Variants in TFPI observed in about 807,000 individuals in gnomAD.
TFPI encodes the protein anti-convertin.
A neutral mutation model predicts 34.6 loss-of-function variants in TFPI; 15 were observed. That is an observed-to-expected ratio of 0.43 (90% confidence interval 0.29 to 0.67). The LOEUF (loss-of-function observed/expected upper bound fraction) is 0.67, where lower values mean the gene tolerates loss of function less well. Ranked by LOEUF, TFPI falls within the 30% of genes least tolerant of loss-of-function variation. The pLI, the probability that TFPI is intolerant of heterozygous loss-of-function variation, is 0.15. For synonymous variants in TFPI, 105 were observed against 120.1 expected (o/e 0.87, Z 0.82); for missense variants, 301 against 364.0 (o/e 0.83, Z 1.41).
chr2:187,485,946 A>G (rs1419152431), intron 4 of TFPI, among the ~76,000 whole-genome samples: 1 of 151,666 alleles, frequency 6.6e-6, no homozygotes, highest in Non-Finnish European at 1.5e-5. Context: ...CAGGGAAGCA[A>G]TACCCACAAG....
chr2:187,499,955 C>T (rs990554651), intron 2 of TFPI, among the ~76,000 whole-genome samples: 3 of 152,054 alleles, frequency 2.0e-5, no homozygotes, highest in Non-Finnish European at 4.4e-5. Flanking sequence ...CATGTATATT[C>T]AGAAAAATCA....
At chr2:187,506,525 G>A (rs895136954) in intron 1 of TFPI, among the ~76,000 whole-genome samples, 2 of 151,942 alleles carry the variant, frequency 1.3e-5, no homozygotes, top group South Asian at 4.1e-4. Context: ...TCCCCAGCAC[G>A]TTTCTGTTCT....
chr2:187,502,020 A>G (rs1685883690), intron 2 of TFPI, among the ~76,000 whole-genome samples: 1 of 152,152 alleles, frequency 6.6e-6, no homozygotes, highest in Admixed American at 6.6e-5. Context: ...TCATGTGATA[A>G]ATTGTATCTC....
intron 1 of TFPI, among the ~76,000 whole-genome samples, chr2:187,551,829 A>C (rs78400966): frequency 0.019 from 2,836 of 152,218 alleles, 93 homozygotes; most frequent in African/African-American, 0.064. Context: ...GCATGAAAAT[A>C]TATTTGTGTT....
chr2:187,528,081 T>A (rs550864685), intron 1 of TFPI, among the ~76,000 whole-genome samples: 9 of 152,058 alleles, frequency 5.9e-5, no homozygotes, highest in Non-Finnish European at 1.5e-5. Context: ...TGCCTAAATG[T>A]TTTCTATTTC....
intron 3 of TFPI, among the ~76,000 whole-genome samples, chr2:187,490,972 T>A (rs1172498862): frequency 6.6e-6 from 1 of 151,800 alleles, no homozygotes; most frequent in Non-Finnish European, 1.5e-5. Flanking sequence ...TATGTCATTG[T>A]CACCTGTAGA....
chr2:187,492,637 T>C (rs1252869752), intron 3 of TFPI, among the ~76,000 whole-genome samples: 1 of 152,172 alleles, frequency 6.6e-6, no homozygotes, highest in African/African-American at 2.4e-5. Flanking sequence ...ATATGAGACA[T>C]GGAGTCAAAG....
intron 6 of TFPI, among the ~76,000 whole-genome samples, chr2:187,472,884 C>T (rs1249834381): frequency 6.6e-6 from 1 of 151,898 alleles, no homozygotes; most frequent in Non-Finnish European, 1.5e-5. Context: ...TGGTGGCACA[C>T]GCATGTGGTC....
chr2:187,508,623 T>C (rs775312816), intron 1 of TFPI, among the ~76,000 whole-genome samples: 23 of 152,190 alleles, frequency 1.5e-4, no homozygotes, highest in Admixed American at 1.4e-3. Flanking sequence ...CTGTTATTGG[T>C]GTATAGGAAT....
chr2:187,543,274 A>G (rs1036283276), intron 1 of TFPI, among the ~76,000 whole-genome samples: 7 of 152,256 alleles, frequency 4.6e-5, no homozygotes, highest in African/African-American at 1.4e-4. Flanking sequence ...GATTTCCAAC[A>G]TAATTAAAGT....
intron 3 of TFPI, among the ~76,000 whole-genome samples, chr2:187,492,208 A>T (rs1172424713): frequency 2.6e-5 from 4 of 152,096 alleles, no homozygotes; most frequent in Non-Finnish European, 5.9e-5. Flanking sequence ...TTACTTGTGG[A>T]TCAACTTCAA....
At chr2:187,503,238 G>C (rs765704749) in intron 2 of TFPI, among the ~76,000 whole-genome samples, 3 of 152,006 alleles carry the variant, frequency 2.0e-5, no homozygotes, top group Non-Finnish European at 4.4e-5. Context: ...GGAAGAAAGA[G>C]AGAATAGCTG....
At chr2:187,489,400 A>G (rs3771058) in intron 3 of TFPI, among the ~76,000 whole-genome samples, 50,332 of 150,552 alleles carry the variant, frequency 0.33, 8,768 homozygotes, top group African/African-American at 0.43. Flanking sequence ...GTGTGTGTGT[A>G]TATGTATAGC....
chr2:187,551,422 G>A (rs113477908), intron 1 of TFPI, among the ~76,000 whole-genome samples: 4 of 152,068 alleles, frequency 2.6e-5, no homozygotes, highest in African/African-American at 7.2e-5. Context: ...TGTTATTGTC[G>A]GTTTGAGGAA....
intron 1 of TFPI, among the ~76,000 whole-genome samples, chr2:187,552,374 A>G (rs1689127423): frequency 6.6e-6 from 1 of 152,116 alleles, no homozygotes. Context: ...AGATGTAAAC[A>G]AAAGATTTCT....
chr2:187,520,856 C>G (rs1270968118), intron 1 of TFPI, among the ~76,000 whole-genome samples: 1 of 151,964 alleles, frequency 6.6e-6, no homozygotes, highest in African/African-American at 2.4e-5. Context: ...CTCAAATGGT[C>G]TCCTGGCTTT....
chr2:187,526,523 C>T (rs16829086), intron 1 of TFPI, among the ~76,000 whole-genome samples: 36,638 of 151,806 alleles, frequency 0.24, 4,572 homozygotes, highest in East Asian at 0.32. Context: ...TAAATCATAA[C>T]ATTAAATTTC....
At chr2:187,477,505 G>A (rs1031078255) in intron 6 of TFPI, among the ~76,000 whole-genome samples, 5 of 152,110 alleles carry the variant, frequency 3.3e-5, no homozygotes, top group Non-Finnish European at 7.3e-5. Flanking sequence ...AACAGTGCTT[G>A]TGATGGCCTG....
chr2:187,514,835 A>C (rs1686885930), intron 1 of TFPI: 1 of 152,258 alleles, frequency 6.6e-6, no homozygotes. Context: ...GGAATACCAG[A>C]TCAATTTAAA....
Sources: gnomAD v4.1 joint callset for allele counts (sites outside exome capture counted in the v4.1 genomes callset) on GRCh38, gnomAD v4.1.1 for gene constraint, MANE v1.5 for transcripts, NCBI Gene and HGNC (gene_info 2026-07-23, HGNC 2026-07-21) for gene names.